KIAA0319: variants seen among roughly 807,000 people sequenced by gnomAD.
KIAA0319 encodes dyslexia-associated protein KIAA0319.
KIAA0319 carries 83 observed loss-of-function variants against 108.4 expected under a neutral mutation model. The observed-to-expected ratio is 0.77, with a 90% CI of 0.64 to 0.92. KIAA0319 has a LOEUF of 0.92. Ranked by LOEUF, KIAA0319 falls within the 40% of genes least tolerant of loss-of-function variation. The pLI, the probability that KIAA0319 is intolerant of heterozygous loss-of-function variation, is 0.00. For missense variants in KIAA0319, 1,195 were observed against 1,322.4 expected (o/e 0.90, Z 1.49); for synonymous variants, 484 against 510.4 (o/e 0.95, Z 0.70).
At chr6:24,575,343 C>A (rs1421182225) in intron 10 of KIAA0319, among the ~76,000 whole-genome samples, 1 of 151,998 alleles carries the variant, frequency 6.6e-6, no homozygotes, top group Non-Finnish European at 1.5e-5. Context: ...TGCATAATTC[C>A]TAATAATTAA....
intron 1 of KIAA0319, among the ~76,000 whole-genome samples, chr6:24,608,930 CAAAAAAAA>C (rs57120652): frequency 1.3e-4 from 4 of 30,110 alleles, no homozygotes; most frequent in Non-Finnish European, 1.9e-4. Flanking sequence ...GACTCCGTCT[CAAAAAAAA>C]AAAAAAAAAA....
Position 24,546,382 on chromosome 6 carries a change from C to T in KIAA0319, c.*783G>A, listed in dbSNP as rs887868480. 1.1e-4 allele frequency: 17 copies of T among 151,968 alleles called. No homozygotes were observed. Among genetic ancestry groups the T allele is most frequent in the African/African-American group, 3.9e-4 (16 of 41,334 alleles). The allele number at this position is 151,968 out of a possible 1,614,324, so 9.4% of individuals were successfully genotyped here. ...TTAATGTAAACTGGGGATCCGTTTA[C>T]ATTAGAGAACTATACTGCTAAACAA... On this transcript the variant is annotated 3_prime_UTR_variant, in exon 21 of 21. Transcript: ENST00000378214.
Position 24,547,302 on chromosome 6 carries a change from C to A in KIAA0319, c.3082G>T (p.Val1028Leu). Residue 1028 changes from valine (V) to leucine (L), a missense_variant, in exon 21 of 21, where the codon GTA (valine) becomes TTA (leucine). By Grantham distance (32) the Val-to-Leu change is conservative. Transcript: ENST00000378214. ...TCACTGTCAAACTCAGACTCGGATA[C>A]CATCAGGCTGGAGTTGTGCTCTGTG... ...RSTEHNSSLMVSESEFDSDQD... is the reference protein window; with the variant it reads ...RSTEHNSSLMLSESEFDSDQD... 6.2e-7 allele frequency: 1 copy of A among 1,614,170 alleles called. No homozygotes were observed. The highest frequency in any genetic ancestry group is 1.6e-4 in the Middle Eastern group (1 of 6,062).
intron 1 of KIAA0319, among the ~76,000 whole-genome samples, chr6:24,605,759 T>C (rs189950598): frequency 1.7e-3 from 257 of 152,272 alleles, no homozygotes; most frequent in Non-Finnish European, 2.6e-3. Context: ...CTTTTTTTCT[T>C]TTCCTTTTTT....
chr6:24,601,190 C>A lies in KIAA0319; in HGVS notation c.-87G>T, dbSNP rs1770577275. The A allele has an allele frequency of 3.2e-6, 5 of 1,552,312 alleles. No individual in the cohort carries two copies. The highest frequency in any genetic ancestry group is 2.0e-5 in the Admixed American group (1 of 50,664). ...AGCTTCCTTTGATGTTTTTTAGGAG[C>A]CAGATTTGGCCTCAAGAACTTCAAA... On this transcript the variant is annotated 5_prime_UTR_variant, in exon 2 of 21. Coordinates refer to ENST00000378214, the MANE Select transcript of KIAA0319 (RefSeq NM_014809.4).
At chr6:24,642,285 A>G (rs1320189852) in intron 1 of KIAA0319, among the ~76,000 whole-genome samples, 1 of 152,036 alleles carries the variant, frequency 6.6e-6, no homozygotes, top group Non-Finnish European at 1.5e-5. Context: ...AGAGAGAAAG[A>G]AAGAAAGAAG....
intron 3 of KIAA0319, among the ~76,000 whole-genome samples, chr6:24,595,602 G>A (rs1296950753): frequency 2.1e-5 from 3 of 144,282 alleles, no homozygotes; most frequent in African/African-American, 7.8e-5. Context: ...GAAGTGCTAA[G>A]TCGTTATGAG....
chr6:24,596,945 TTCCATCCATCCATCCA>T (rs537111702), intron 2 of KIAA0319, among the ~76,000 whole-genome samples: 1 of 151,428 alleles, frequency 6.6e-6, no homozygotes, highest in Non-Finnish European at 1.5e-5. Flanking sequence ...CCTTCTACTT[TTCCATCCATCCATCCA>T]TCCATCCATC....
chr6:24,639,922 T>C (rs1776704176), intron 1 of KIAA0319, among the ~76,000 whole-genome samples: 1 of 151,594 alleles, frequency 6.6e-6, no homozygotes, highest in Admixed American at 6.6e-5. Flanking sequence ...AGCATGTTGG[T>C]AAATAATAAT....
intron 3 of KIAA0319, 98 bp downstream of exon 3, chr6:24,595,775 A>G: frequency 3.0e-6 from 4 of 1,352,850 alleles, no homozygotes; most frequent in Non-Finnish European, 4.0e-6. Context: ...TTAAGCTCAT[A>G]CAGCCTGAAT....
At chr6:24,563,614 T>C (rs1763412104) in intron 15 of KIAA0319, 96 bp from the exon 16 acceptor site, 1 of 1,143,102 alleles carries the variant, frequency 8.7e-7, no homozygotes, top group Non-Finnish European at 1.2e-6. Context: ...AAGTTACTCC[T>C]ATGCCATTTC....
At chr6:24,640,379 T>C (rs1562123919) in intron 1 of KIAA0319, among the ~76,000 whole-genome samples, 1 of 152,160 alleles carries the variant, frequency 6.6e-6, no homozygotes, top group Non-Finnish European at 1.5e-5. Context: ...AAAAATGCAA[T>C]CCAGTCTGTG....
chr6:24,587,561 T>A (rs917278803), intron 4 of KIAA0319, among the ~76,000 whole-genome samples: 5 of 152,066 alleles, frequency 3.3e-5, no homozygotes, highest in African/African-American at 1.2e-4. Flanking sequence ...ATTACAGGCG[T>A]GAGCCACCGT....
Position 24,599,295 on chromosome 6 carries a change from A to G in KIAA0319, c.55+1754T>C, listed in dbSNP as rs980015765. 7 of 484,330 alleles carry G rather than the reference A, an allele frequency of 1.4e-5. No individual in the cohort carries two copies. The highest frequency in any genetic ancestry group is 8.7e-5 in the East Asian group (2 of 23,014). 30.0% of individuals were successfully genotyped at this position (484,330 alleles called of 1,614,324 possible). A position where few individuals can be genotyped will look rare whatever the true frequency, so the allele number is the denominator to read the frequency against. On this transcript the variant is annotated intron_variant, in intron 2 of 20. Transcript: ENST00000378214. The surrounding 1 kb of genome is among the most constrained non-coding windows in gnomAD (Gnocchi z 4.1). ...GATCTCTGAGATGAATCAGAACATC[A>G]GCCGGCTCCAGACTGAGACTGAGGG...
Position 24,545,520 on chromosome 6 carries a change from A to G in KIAA0319, c.*1645T>C, listed in dbSNP as rs1413088619. On this transcript the variant is annotated 3_prime_UTR_variant, in exon 21 of 21. Coordinates refer to ENST00000378214, the MANE Select transcript of KIAA0319 (RefSeq NM_014809.4). The stretch of plus-strand genomic sequence containing the variant: ...GCAGATTCTAGGCTTATGAAGCTCA[A>G]TACTGGTTAAAAAAAAAAATCACAT... 1 of 151,994 alleles carries G rather than the reference A, an allele frequency of 6.6e-6. No homozygotes were observed. The highest frequency in any genetic ancestry group is 1.5e-5 in the Non-Finnish European group (1 of 68,012). 9.4% of individuals were successfully genotyped at this position (151,994 alleles called of 1,614,324 possible).
intron 1 of KIAA0319, among the ~76,000 whole-genome samples, chr6:24,611,960 A>T (rs1463231875): frequency 2.0e-5 from 3 of 151,994 alleles, no homozygotes; most frequent in Non-Finnish European, 4.4e-5. Flanking sequence ...CTGAGGCAAG[A>T]GGATCACTTG....
chr6:24,595,605 G>A (rs553398688), intron 3 of KIAA0319, among the ~76,000 whole-genome samples: 2 of 147,692 alleles, frequency 1.4e-5, no homozygotes, highest in African/African-American at 2.5e-5. Flanking sequence ...GTGCTAAGTC[G>A]TTATGAGCTG....
At chr6:24,591,218 CTTTCTCTTGTGTAAATA>C (rs1768419936) in intron 3 of KIAA0319, among the ~76,000 whole-genome samples, 1 of 152,050 alleles carries the variant, frequency 6.6e-6, no homozygotes, top group Non-Finnish European at 1.5e-5. Flanking sequence ...GACATGTTTT[CTTTCTCTTGTGTAAATA>C]CCCAGAAGTG....
intron 20 of KIAA0319, among the ~76,000 whole-genome samples, 178 bp downstream of exon 20, chr6:24,551,256 G>A (rs972252117): frequency 6.6e-6 from 1 of 151,972 alleles, no homozygotes; most frequent in Non-Finnish European, 1.5e-5. Context: ...TTACAGGCAT[G>A]AGCCACTGGG....
Sources: allele counts gnomAD v4.1 joint callset (sites outside exome capture counted in the v4.1 genomes callset), GRCh38; gene constraint gnomAD v4.1.1; non-coding constraint Gnocchi (gnomAD v3.1); transcripts MANE v1.5; gene names NCBI Gene and HGNC (gene_info 2026-07-23, HGNC 2026-07-21).